Variants in CABLES1 observed in about 807,000 individuals in gnomAD.
The protein encoded by CABLES1 is CDK5 and ABL1 enzyme substrate 1.
Under a neutral mutation model 57.8 loss-of-function variants are expected in CABLES1, and 36 were observed. The ratio of observed to expected loss-of-function variants is 0.62; its 90% CI spans 0.48 to 0.82. The LOEUF is 0.82. Ranked by LOEUF, CABLES1 falls within the 40% of genes least tolerant of loss-of-function variation. CABLES1 has a pLI of 0.00. For synonymous variants in CABLES1, 374 were observed against 363.0 expected (o/e 1.03, Z -0.35); for missense variants, 767 against 836.6 (o/e 0.92, Z 1.03).
chr18:23,199,116 C>G (rs2047305480), intron 3 of CABLES1, among the ~76,000 whole-genome samples: 1 of 152,044 alleles, frequency 6.6e-6, no homozygotes, highest in African/African-American at 2.4e-5. Context: ...AGCTTAAGGC[C>G]AAGGATTAAT....
At chr18:23,171,700 G>A (rs1053134829) in intron 1 of CABLES1, among the ~76,000 whole-genome samples, 1 of 151,958 alleles carries the variant, frequency 6.6e-6, no homozygotes, top group African/African-American at 2.4e-5. Flanking sequence ...GATAACCCTC[G>A]CATCTAACGG....
chr18:23,204,385 G>A (rs979276847), intron 3 of CABLES1: 8 of 152,190 alleles, frequency 5.3e-5, no homozygotes, highest in African/African-American at 1.9e-4. Context: ...TCAGTACCTC[G>A]CGCTTGTGTA....
Position 23,135,560 on chromosome 18 carries a change from G to C in CABLES1, c.-203G>C, listed in dbSNP as rs1024934083. On this transcript the variant is annotated 5_prime_UTR_variant, in exon 1 of 10. Transcript: ENST00000256925. The stretch of plus-strand genomic sequence containing the variant: ...AGCCGAGCTAGGTAGCGAGGCGTGC[G>C]CGTGGGCCGGGGCGGCGGCGCCCCC... 58 of 169,624 alleles carry C rather than the reference G, an allele frequency of 3.4e-4. 1 individual carries two copies. Among genetic ancestry groups the C allele is most frequent in the Non-Finnish European group, 5.8e-4 (49 of 84,610 alleles). 10.5% of individuals were successfully genotyped at this position (169,624 alleles called of 1,614,324 possible).
At chr18:23,175,352 T>C (rs1362903158) in intron 1 of CABLES1, among the ~76,000 whole-genome samples, 4 of 152,244 alleles carry the variant, frequency 2.6e-5, no homozygotes, top group Non-Finnish European at 4.4e-5. Flanking sequence ...CTCAGAAGTT[T>C]GAACATCAGT....
chr18:23,142,606 C>G (rs2046864459), intron 1 of CABLES1, among the ~76,000 whole-genome samples: 1 of 152,236 alleles, frequency 6.6e-6, no homozygotes, highest in Non-Finnish European at 1.5e-5. Context: ...GGTATTGAGA[C>G]TTAATGCCTT....
At chr18:23,251,736 G>A (rs1315514361) in intron 7 of CABLES1, among the ~76,000 whole-genome samples, 1 of 152,194 alleles carries the variant, frequency 6.6e-6, no homozygotes, top group East Asian at 1.9e-4. Flanking sequence ...ATGGTGGCAT[G>A]TTGTTCAACC....
upstream of CABLES1, among the ~76,000 whole-genome samples, chr18:23,134,828 C>T (rs746895524): frequency 3.7e-4 from 56 of 152,116 alleles, no homozygotes; most frequent in Admixed American, 5.9e-4. Context: ...GTAAGATGTT[C>T]GTGCTTCTGG....
intron 1 of CABLES1, among the ~76,000 whole-genome samples, chr18:23,185,968 G>A (rs1461927459): frequency 2.0e-5 from 3 of 152,220 alleles, no homozygotes; most frequent in Non-Finnish European, 4.4e-5. Context: ...TGAGAGCAGT[G>A]CAAGGAGACA....
chr18:23,197,240 G>A (rs1311771084), intron 3 of CABLES1: 1 of 152,236 alleles, frequency 6.6e-6, no homozygotes, highest in Admixed American at 6.5e-5. Flanking sequence ...CAATATCAGA[G>A]TAGCTGCTTA....
At chr18:23,252,870 T>C in intron 7 of CABLES1, 90 bp from the exon 8 acceptor site, 8 of 807,288 alleles carry the variant, frequency 9.9e-6, no homozygotes. Context: ...CTCATGGCTT[T>C]GGGAGTTGTA....
At chr18:23,136,727 C>T (rs1171748161) in intron 1 of CABLES1, 120 bp downstream of exon 1, 1 of 636,734 alleles carries the variant, frequency 1.6e-6, no homozygotes, top group Non-Finnish European at 2.3e-6. Context: ...CCTGCCGGAT[C>T]CTGTGCTCCG....
intron 1 of CABLES1, 35 bp from the exon 2 acceptor site, chr18:23,188,803 G>GT: frequency 6.6e-7 from 1 of 1,526,270 alleles, no homozygotes; most frequent in Non-Finnish European, 9.1e-7. Context: ...CTGCAATGCA[G>GT]TTTTAACTCC....
At chr18:23,252,688 C>T (rs1456291040) in intron 7 of CABLES1, among the ~76,000 whole-genome samples, 1 of 152,162 alleles carries the variant, frequency 6.6e-6, no homozygotes, top group African/African-American at 2.4e-5. Context: ...CACAGGCACC[C>T]CTCCCTCTCA....
chr18:23,188,618 C>A (rs2145015829), intron 1 of CABLES1, among the ~76,000 whole-genome samples: 1 of 151,922 alleles, frequency 6.6e-6, no homozygotes, highest in Admixed American at 6.6e-5. Context: ...TTAATCATCA[C>A]AAAGAGGCCC....
At position 23,136,338 on chromosome 18, in the gene CABLES1, C is replaced by T. The variant is rs2046820943; in HGVS notation, c.576C>T (p.Ala192=). 1 of 1,449,152 alleles carries T rather than the reference C, an allele frequency of 6.9e-7. No individual in the cohort carries two copies. The highest frequency in any genetic ancestry group is 9.1e-7 in the Non-Finnish European group (1 of 1,102,922). 89.8% of individuals were successfully genotyped at this position (1,449,152 alleles called of 1,614,324 possible). A position where few individuals can be genotyped will look rare whatever the true frequency, so the allele number is the denominator to read the frequency against. ...GGCCGGCGCCTCTCGCCGCCTGTGCCCAACTGCAGCTGCTCGACGGGTCCG... is the reference window on the plus strand; with the variant it reads ...GGCCGGCGCCTCTCGCCGCCTGTGCTCAACTGCAGCTGCTCGACGGGTCCG... ...PPRPAPLAAC[A]QLQLLDGSGA... is the part of the protein sequence containing the mutation. Residue 192 remains alanine, a synonymous_variant, in exon 1 of 10, where the codon GCC becomes GCT. Coordinates refer to ENST00000256925, the MANE Select transcript of CABLES1 (RefSeq NM_001100619.3).
At chr18:23,249,665 C>T (rs1416666713) in intron 7 of CABLES1, among the ~76,000 whole-genome samples, 1 of 152,182 alleles carries the variant, frequency 6.6e-6, no homozygotes, top group Non-Finnish European at 1.5e-5. Context: ...TTTCTCATCT[C>T]ATCTCGTTTT....
At chr18:23,217,177 G>A (rs1011874102) in intron 4 of CABLES1, among the ~76,000 whole-genome samples, 3 of 151,962 alleles carry the variant, frequency 2.0e-5, no homozygotes, top group Non-Finnish European at 2.9e-5. Flanking sequence ...GAACTCCTAC[G>A]CTCGAGCCAT....
At chr18:23,227,476 G>GGATGGCT (rs1224013792) in intron 4 of CABLES1, among the ~76,000 whole-genome samples, 8 of 152,210 alleles carry the variant, frequency 5.3e-5, no homozygotes, top group Admixed American at 5.2e-4. Context: ...CCCTTGCAGG[G>GGATGGCT]GATGGCTTAT....
chr18:23,238,650 A>C (rs2047663324), intron 7 of CABLES1, among the ~76,000 whole-genome samples: 1 of 152,254 alleles, frequency 6.6e-6, no homozygotes, highest in Non-Finnish European at 1.5e-5. Context: ...AGGAGGGAGC[A>C]ACTGGTGTAA....
Sources: allele counts gnomAD v4.1 joint callset (sites outside exome capture counted in the v4.1 genomes callset), GRCh38; gene constraint gnomAD v4.1.1; transcripts MANE v1.5; gene names NCBI Gene and HGNC (gene_info 2026-07-23, HGNC 2026-07-21).